Variants in LRP6 observed in about 807,000 individuals in gnomAD.
The protein encoded by LRP6 is LDL receptor related protein 6.
In LRP6, 43 loss-of-function variants were observed where a neutral mutation model predicts 184.1. The observed-to-expected ratio is 0.23, with a 90% confidence interval of 0.18 to 0.30. The LOEUF (loss-of-function observed/expected upper bound fraction) is 0.30, where lower values mean the gene tolerates loss of function less well. Ranked by LOEUF, LRP6 falls within the 10% of genes least tolerant of loss-of-function variation. The pLI is 1.00. For synonymous variants in LRP6, 719 were observed against 684.9 expected (o/e 1.05, Z -0.78); for missense variants, 1,571 against 2,005.3 (o/e 0.78, Z 4.14).
chr12:12,209,162 A>G (rs1864142565), intron 2 of LRP6, among the ~76,000 whole-genome samples: 1 of 152,240 alleles, frequency 6.6e-6, no homozygotes, highest in Non-Finnish European at 1.5e-5. Flanking sequence ...ACCAGAAGCA[A>G]TTTGCACACT....
intron 1 of LRP6, among the ~76,000 whole-genome samples, chr12:12,263,213 C>A (rs1429569045): frequency 1.4e-5 from 2 of 146,484 alleles, no homozygotes; most frequent in Non-Finnish European, 3.0e-5. Context: ...TGCAGTGAGC[C>A]GAGATCATGC....
At chr12:12,264,000 G>A (rs1180842253) in intron 1 of LRP6, among the ~76,000 whole-genome samples, 2 of 151,920 alleles carry the variant, frequency 1.3e-5, no homozygotes, top group African/African-American at 4.8e-5. Context: ...AAAAATTGGG[G>A]GCATAGTGGC....
intron 22 of LRP6, among the ~76,000 whole-genome samples, chr12:12,124,346 C>T (rs1215863469): frequency 6.6e-6 from 1 of 152,074 alleles, no homozygotes; most frequent in Admixed American, 6.5e-5. Context: ...ACACTCCAGC[C>T]TGGGCAACAA....
At chr12:12,238,420 A>T (rs985977820) in intron 2 of LRP6, among the ~76,000 whole-genome samples, 4 of 152,130 alleles carry the variant, frequency 2.6e-5, no homozygotes, top group African/African-American at 9.6e-5. Flanking sequence ...AAAAATGCTT[A>T]GATTCTAGAA....
chr12:12,226,524 C>T (rs1864627977), intron 2 of LRP6: 2 of 152,148 alleles, frequency 1.3e-5, no homozygotes, highest in African/African-American at 4.8e-5. Context: ...AACACTATAA[C>T]ATAAATGAAG....
At chr12:12,162,148 A>C (rs1251740891) in intron 10 of LRP6, 45 bp downstream of exon 10, 1 of 1,446,648 alleles carries the variant, frequency 6.9e-7, no homozygotes. Context: ...TGTTCCCCGA[A>C]ATGTACACTG....
intron 3 of LRP6, among the ~76,000 whole-genome samples, chr12:12,199,072 T>G (rs1161430643): frequency 1.3e-5 from 2 of 151,754 alleles, no homozygotes; most frequent in Non-Finnish European, 2.9e-5. Flanking sequence ...TTGAGCAAAG[T>G]TAAATGCCAA....
At chr12:12,194,380 G>C (rs1011628108) in intron 3 of LRP6, among the ~76,000 whole-genome samples, 5 of 152,008 alleles carry the variant, frequency 3.3e-5, no homozygotes, top group African/African-American at 1.2e-4. Flanking sequence ...AAAAAAACTT[G>C]ATCTGGGTGA....
chr12:12,261,035 C>G (rs1865601589), intron 1 of LRP6, among the ~76,000 whole-genome samples: 1 of 152,102 alleles, frequency 6.6e-6, no homozygotes, highest in African/African-American at 2.4e-5. Context: ...TAAAACAGTC[C>G]TTTCTGACAG....
intron 12 of LRP6, chr12:12,155,780 T>C (rs2136930248): frequency 2.3e-6 from 2 of 865,600 alleles, no homozygotes; most frequent in East Asian, 2.4e-5. Flanking sequence ...TAATAGGTGT[T>C]AAAAAAATAA....
Position 12,116,175 on chromosome 12 carries a change from T to G in LRP6, c.*4951A>C, listed in dbSNP as rs190258825. 50 of 152,310 alleles carry G rather than the reference T, an allele frequency of 3.3e-4. No individual in the cohort carries two copies. The highest frequency in any genetic ancestry group is 1.3e-3 in the Admixed American group (20 of 15,298). The allele number at this position is 152,310 out of a possible 1,614,324, so 9.4% of individuals were successfully genotyped here. A position where few individuals can be genotyped will look rare whatever the true frequency, so the allele number is the denominator to read the frequency against. On this transcript the variant is annotated 3_prime_UTR_variant, in exon 23 of 23. Coordinates refer to ENST00000261349, the MANE Select transcript of LRP6 (RefSeq NM_002336.3). The stretch of plus-strand genomic sequence containing the variant: ...TATTTTACAAAAGGAGGGAAGTGAA[T>G]AAGTGGACAAGGGCTGACCAAATGT...
chr12:12,248,915 G>T, intron 1 of LRP6: 1 of 372,814 alleles, frequency 2.7e-6, no homozygotes, highest in South Asian at 3.2e-5. Context: ...CCTATATATA[G>T]GTATCCTAAG....
At chr12:12,169,346 G>T (rs1862969808) in intron 7 of LRP6, among the ~76,000 whole-genome samples, 1 of 152,082 alleles carries the variant, frequency 6.6e-6, no homozygotes, top group African/African-American at 2.4e-5. Flanking sequence ...ATTAACAAAA[G>T]CAGCATTTGG....
Position 12,138,534 on chromosome 12 carries a change from C to T in LRP6, c.3398G>A (p.Gly1133Asp). The change falls in exon 16 of 23, where the codon GGT becomes GAT. Residue 1133 changes from glycine (G) to aspartate (D), a missense_variant and splice_region_variant. Coordinates refer to ENST00000261349, the MANE Select transcript of LRP6 (RefSeq NM_002336.3). ...LRRIESSDLS[G>D]ANRIVLEDSN... Reference sequence around the variant, plus strand: ...GTCTTCTAATACTATCCGGTTAGCACCTTGGAAAAGGAGAAAATTCAACAG... The same window carrying T: ...GTCTTCTAATACTATCCGGTTAGCATCTTGGAAAAGGAGAAAATTCAACAG... 6.2e-7 allele frequency: 1 copy of T among 1,613,162 alleles called. No homozygotes were observed. Among genetic ancestry groups the T allele is most frequent in the Non-Finnish European group, 8.5e-7 (1 of 1,179,318 alleles).
At chr12:12,251,744 T>A (rs1865330895) in intron 1 of LRP6, among the ~76,000 whole-genome samples, 1 of 152,214 alleles carries the variant, frequency 6.6e-6, no homozygotes, top group Admixed American at 6.5e-5. Flanking sequence ...AAGGCAAAGA[T>A]TGTGTCTTAC....
At chr12:12,193,869 C>T (rs1435551466) in intron 3 of LRP6, among the ~76,000 whole-genome samples, 1 of 152,064 alleles carries the variant, frequency 6.6e-6, no homozygotes. Context: ...TTATGCTAAT[C>T]TCAAAACCAA....
At chr12:12,260,661 G>A (rs1264065762) in intron 1 of LRP6, among the ~76,000 whole-genome samples, 1 of 152,062 alleles carries the variant, frequency 6.6e-6, no homozygotes, top group Admixed American at 6.5e-5. Flanking sequence ...TTGACTGTGC[G>A]TTCTACTACC....
At position 12,229,370 on chromosome 12, in the gene LRP6, C is replaced by CAA. The variant is rs375650917; in HGVS notation, c.449+14890_449+14891dup. ...GGGCAAAAGAAGTGAAACTCCATTT[C>CAA]AAAAAAAAAAAAAAAAAGAAGAAGA... On this transcript the variant is annotated intron_variant, in intron 2 of 22. Transcript: ENST00000261349. 8.3e-3 allele frequency among the ~76,000 whole-genome samples: 509 copies of CAA among 61,134 alleles called. 5 individuals carry two copies. The highest frequency in any genetic ancestry group is 0.018 in the African/African-American group (402 of 22,560). 40.1% of individuals were successfully genotyped at this position (61,134 alleles called of 152,430 possible). A position where few individuals can be genotyped will look rare whatever the true frequency, so the allele number is the denominator to read the frequency against.
chr12:12,116,849 C>A lies in LRP6; in HGVS notation c.*4277G>T, dbSNP rs1949525360. 1 of 152,074 alleles carries A rather than the reference C, an allele frequency of 6.6e-6. No homozygotes were observed. Among genetic ancestry groups the A allele is most frequent in the African/African-American group, 2.4e-5 (1 of 41,382 alleles). The allele number at this position is 152,074 out of a possible 1,614,324, so 9.4% of individuals were successfully genotyped here. ...AAGAGGGTGAGGGTAGAGTCAGTAA[C>A]TGATTAACCTAAGACTCCACCTTCC... On this transcript the variant is annotated 3_prime_UTR_variant, in exon 23 of 23. Transcript: ENST00000261349.
Sources: gnomAD v4.1 joint callset for allele counts (sites outside exome capture counted in the v4.1 genomes callset) on GRCh38, gnomAD v4.1.1 for gene constraint, MANE v1.5 for transcripts, NCBI Gene and HGNC (gene_info 2026-07-23, HGNC 2026-07-21) for gene names.